TSC22D2: variants seen among roughly 807,000 people sequenced by gnomAD.
The protein encoded by TSC22D2 is TSC22 domain family member 2.
A neutral mutation model predicts 50.1 loss-of-function variants in TSC22D2; 5 were observed. The observed-to-expected ratio is 0.10, with a 90% CI of 0.05 to 0.21. The LOEUF is 0.21. Among genes scored for constraint, TSC22D2 ranks in the 10% least tolerant of loss-of-function variants. TSC22D2 has a pLI of 1.00. For missense variants in TSC22D2, 1,003 were observed against 1,015.5 expected (o/e 0.99, Z 0.17); for synonymous variants, 501 against 450.1 (o/e 1.11, Z -1.43).
In TSC22D2 at chr3:150,409,203, G is replaced by A; in HGVS notation, c.-148G>A. 1.1e-6 allele frequency: 1 copy of A among 872,106 alleles called. No individual in the cohort carries two copies. The highest frequency in any genetic ancestry group is 1.7e-6 in the Non-Finnish European group (1 of 599,068). The allele number at this position is 872,106 out of a possible 1,614,324, so 54.0% of individuals were successfully genotyped here. On this transcript the variant is annotated 5_prime_UTR_variant, in exon 1 of 3. It introduces an in-frame stop codon into an upstream open reading frame of the 5' UTR. Coordinates refer to ENST00000688009, the MANE Select transcript of TSC22D2 (RefSeq NM_001303264.2). This position sits in a 1 kb window ranked among gnomAD's most constrained non-coding sequence, Gnocchi z 7.4. ...TGTCTCACCGGGCGGCCAGCGCCTG[G>A]ATCAGCCCGTGACTCTTAACAGCGG... is the stretch of plus-strand genomic sequence containing the variant.
chr3:150,409,087 C>A lies in TSC22D2; in HGVS notation c.-264C>A. ...GAATTGAATTGAGGCGCCGCGGCTGCGAGAGCTAAAAAGGAAGGAGGAGCC... is the reference window on the plus strand; with the variant it reads ...GAATTGAATTGAGGCGCCGCGGCTGAGAGAGCTAAAAAGGAAGGAGGAGCC... On this transcript the variant is annotated 5_prime_UTR_variant, in exon 1 of 3. Transcript: ENST00000688009. The surrounding 1 kb of genome is among the most constrained non-coding windows in gnomAD (Gnocchi z 7.4). 2.7e-6 allele frequency: 1 copy of A among 365,664 alleles called. No individual in the cohort carries two copies. The highest frequency in any genetic ancestry group is 5.0e-6 in the Non-Finnish European group (1 of 200,912). 22.7% of individuals were successfully genotyped at this position (365,664 alleles called of 1,614,324 possible). A position where few individuals can be genotyped will look rare whatever the true frequency, so the allele number is the denominator to read the frequency against.
In TSC22D2 at chr3:150,410,389, G is replaced by A; in HGVS notation, c.1039G>A (p.Gly347Ser). 6.2e-7 allele frequency: 1 copy of A among 1,606,492 alleles called. No homozygotes were observed. Among genetic ancestry groups the A allele is most frequent in the Non-Finnish European group, 8.5e-7 (1 of 1,177,262 alleles). ...GCCTCCGCAGCCGGGCCCTGCAGTG[G>A]GCGCCCCCGCGGCGCAGCAGCCCCA... ...SLPPQPGPAV[G>S]APAAQQPQQF... The change falls in exon 1 of 3, where the codon GGC becomes AGC. Residue 347 changes from glycine to serine, a missense_variant. Around this residue, in one of 6 missense-constraint regions of TSC22D2, gnomAD observed 696 missense variants for 647.8 expected, o/e 1.07. Transcript: ENST00000688009.
intron 1 of TSC22D2, among the ~76,000 whole-genome samples, chr3:150,413,673 T>G (rs1719679380): frequency 6.6e-6 from 1 of 151,764 alleles, no homozygotes; most frequent in African/African-American, 2.4e-5. Flanking sequence ...TTTAAATTAC[T>G]GAGATGAGTA....
intron 1 of TSC22D2, among the ~76,000 whole-genome samples, chr3:150,439,882 A>G (rs1000234927): frequency 6.6e-6 from 1 of 152,216 alleles, no homozygotes; most frequent in Admixed American, 6.5e-5. Context: ...GACTGATGGG[A>G]CAAATCAGAG....
chr3:150,452,243 C>T (rs1162604080), intron 1 of TSC22D2, among the ~76,000 whole-genome samples: 6 of 152,002 alleles, frequency 3.9e-5, no homozygotes, highest in African/African-American at 1.2e-4. Flanking sequence ...GTCGGGAGTT[C>T]GAGACCAGCC....
chr3:150,417,662 A>C (rs1719862078), intron 1 of TSC22D2, among the ~76,000 whole-genome samples: 1 of 152,112 alleles, frequency 6.6e-6, no homozygotes, highest in South Asian at 2.1e-4. Context: ...GTGTGCAAGT[A>C]ATTTGAACAG....
In TSC22D2 at chr3:150,409,646, C is replaced by G; in HGVS notation, c.296C>G (p.Ala99Gly). 1.2e-6 allele frequency: 2 copies of G among 1,606,870 alleles called. No individual in the cohort carries two copies. The highest frequency in any genetic ancestry group is 1.7e-6 in the Non-Finnish European group (2 of 1,176,608). ...LLDGQLAAAA[A>G]APANGGGVVS... The stretch of plus-strand genomic sequence containing the variant: ...GATGGGCAGCTGGCAGCGGCGGCTG[C>G]TGCTCCCGCCAACGGAGGAGGAGTC... Residue 99 changes from alanine to glycine, a missense_variant, in exon 1 of 3, where the codon GCT becomes GGT. Physicochemically the swap from Ala to Gly is moderately conservative, Grantham distance 60. This residue lies in a region of TSC22D2 where 200 missense variants were observed against 182.8 expected (regional missense o/e 1.09). Coordinates refer to ENST00000688009, the MANE Select transcript of TSC22D2 (RefSeq NM_001303264.2). This position sits in a 1 kb window ranked among gnomAD's most constrained non-coding sequence, Gnocchi z 7.4.
intron 1 of TSC22D2, among the ~76,000 whole-genome samples, chr3:150,437,980 C>A (rs903499618): frequency 2.0e-5 from 3 of 152,014 alleles, no homozygotes; most frequent in African/African-American, 7.2e-5. Flanking sequence ...TAATTGGTTC[C>A]ATTTCTACTT....
chr3:150,437,330 A>G (rs946876682), intron 1 of TSC22D2, among the ~76,000 whole-genome samples: 3 of 152,198 alleles, frequency 2.0e-5, no homozygotes, highest in African/African-American at 7.2e-5. Context: ...TGCATAGGAT[A>G]CATTGTTATT....
rs115654121 is a variant in TSC22D2 at position 150,432,144 on chromosome 3, A to C, written c.1958+20836A>C. On this transcript the variant is annotated intron_variant, in intron 1 of 2. Transcript: ENST00000688009. The stretch of plus-strand genomic sequence containing the variant: ...GGCTAGCTGAAGTGGGACACTAAAC[A>C]TTCTGACATCTGTTTTCGACACATT... Among the ~76,000 whole-genome samples, 449 of 152,324 alleles carry C rather than the reference A, an allele frequency of 2.9e-3. 3 individuals are homozygous for C. Among genetic ancestry groups the C allele is most frequent in the African/African-American group, 0.011 (437 of 41,578 alleles).
intron 1 of TSC22D2, among the ~76,000 whole-genome samples, chr3:150,441,150 T>C (rs182914577): frequency 8.6e-5 from 13 of 151,742 alleles, no homozygotes; most frequent in Non-Finnish European, 1.6e-4. Flanking sequence ...ACTGGGAAGT[T>C]TGGAAAATAG....
intron 1 of TSC22D2, among the ~76,000 whole-genome samples, chr3:150,427,899 G>T (rs1186726646): frequency 6.6e-6 from 1 of 151,688 alleles, no homozygotes; most frequent in Non-Finnish European, 1.5e-5. Flanking sequence ...GAGGCTTCTT[G>T]TATGTCCTTT....
At chr3:150,414,244 A>G (rs1719709582) in intron 1 of TSC22D2, among the ~76,000 whole-genome samples, 2 of 152,056 alleles carry the variant, frequency 1.3e-5, no homozygotes, top group Admixed American at 1.3e-4. Context: ...AGTTGTTGAG[A>G]CTCTTCAGAT....
chr3:150,415,041 CATT>C (rs373813523), intron 1 of TSC22D2, among the ~76,000 whole-genome samples: 79 of 151,494 alleles, frequency 5.2e-4, no homozygotes, highest in African/African-American at 1.9e-3. Context: ...ATATATGTGT[CATT>C]ATTGTTTAGC....
At chr3:150,450,854 A>G (rs1721020501) in intron 1 of TSC22D2, among the ~76,000 whole-genome samples, 2 of 152,194 alleles carry the variant, frequency 1.3e-5, no homozygotes, top group South Asian at 4.1e-4. Context: ...TTTGTTAGAG[A>G]ATAGGCAAAA....
At chr3:150,457,032 A>G in intron 1 of TSC22D2, 44 bp from the exon 2 acceptor site, 1 of 1,545,848 alleles carries the variant, frequency 6.5e-7, no homozygotes, top group Non-Finnish European at 8.9e-7. Flanking sequence ...GTTGGAAGGG[A>G]GGTTAAATTT....
chr3:150,443,238 C>G (rs1431387201), intron 1 of TSC22D2, among the ~76,000 whole-genome samples: 1 of 152,140 alleles, frequency 6.6e-6, no homozygotes, highest in Non-Finnish European at 1.5e-5. Flanking sequence ...AATAGGGAAT[C>G]TTAAAATGTG....
chr3:150,418,483 A>G (rs1343532685), intron 1 of TSC22D2, among the ~76,000 whole-genome samples: 4 of 151,942 alleles, frequency 2.6e-5, no homozygotes, highest in Non-Finnish European at 4.4e-5. Flanking sequence ...CCTCTCTGCT[A>G]CCTCTGTCCT....
chr3:150,429,452 A>G (rs1474751458), intron 1 of TSC22D2, among the ~76,000 whole-genome samples: 1 of 152,120 alleles, frequency 6.6e-6, no homozygotes, highest in Admixed American at 6.5e-5. Context: ...ATCATGGACT[A>G]TATATATAAA....
Sources: allele counts gnomAD v4.1 joint callset (sites outside exome capture counted in the v4.1 genomes callset), GRCh38; gene constraint gnomAD v4.1.1; regional missense constraint gnomAD v4.1.1; non-coding constraint Gnocchi (gnomAD v3.1); transcripts MANE v1.5; gene names NCBI Gene and HGNC (gene_info 2026-07-23, HGNC 2026-07-21).